DCDC1: variants seen among roughly 807,000 people sequenced by gnomAD.
DCDC1 encodes doublecortin domain containing 1.
DCDC1 carries 200 observed loss-of-function variants against 178.3 expected under a neutral mutation model. That is an observed-to-expected ratio of 1.12 (90% CI 1.00 to 1.26). The LOEUF is 1.26. Among genes scored for constraint, DCDC1 ranks in the 50% most tolerant of loss-of-function variants. DCDC1 has a pLI of 0.00. For missense variants in DCDC1, 1,983 were observed against 1,749.2 expected (o/e 1.13, Z -2.38); for synonymous variants, 690 against 604.8 (o/e 1.14, Z -2.07).
intron 12 of DCDC1, among the ~76,000 whole-genome samples, chr11:31,110,040 T>G (rs938853782): frequency 6.6e-6 from 1 of 152,096 alleles, no homozygotes; most frequent in African/African-American, 2.4e-5. Flanking sequence ...AATATAAGCA[T>G]GAAGAAGGTT....
intron 20 of DCDC1, among the ~76,000 whole-genome samples, chr11:30,960,079 C>T (rs929066373): frequency 1.3e-5 from 2 of 152,118 alleles, no homozygotes; most frequent in Non-Finnish European, 2.9e-5. Context: ...ATCATACTCT[C>T]AGGTAGTATG....
chr11:31,333,594 C>A (rs1256920510), intron 2 of DCDC1, among the ~76,000 whole-genome samples: 1 of 152,168 alleles, frequency 6.6e-6, no homozygotes, highest in Non-Finnish European at 1.5e-5. Context: ...AATCTCTCAG[C>A]ATTTGCTTGT....
intron 20 of DCDC1, among the ~76,000 whole-genome samples, chr11:31,036,708 C>A (rs1954055715): frequency 6.6e-6 from 1 of 152,226 alleles, no homozygotes; most frequent in Non-Finnish European, 1.5e-5. Flanking sequence ...ACAAAATAGT[C>A]CTAACTACAT....
chr11:31,009,732 G>A (rs1190926391), intron 20 of DCDC1, among the ~76,000 whole-genome samples: 2 of 152,102 alleles, frequency 1.3e-5, no homozygotes, highest in Non-Finnish European at 2.9e-5. Context: ...CATTGGGGAG[G>A]TACATTAGTC....
At position 30,973,512 on chromosome 11, in the gene DCDC1, A is replaced by G. The variant is rs184117779; in HGVS notation, c.2592-20944T>C. On this transcript the variant is annotated intron_variant, in intron 20 of 38. Coordinates refer to ENST00000684477, the MANE Select transcript of DCDC1 (RefSeq NM_001387274.1). ...TAATACAGTGGCTTACAAGAAACTC[A>G]CTTTATCTATAAAGACACATATAGT... 7.9e-5 allele frequency among the ~76,000 whole-genome samples: 12 copies of G among 152,278 alleles called. No individual in the cohort carries two copies. The East Asian group carries it at 2.3e-3, about 29-fold the overall frequency.
At chr11:31,207,411 C>A (rs143456969) in intron 9 of DCDC1, among the ~76,000 whole-genome samples, 175 of 152,314 alleles carry the variant, frequency 1.1e-3, no homozygotes, top group African/African-American at 4.1e-3. Context: ...TTCTTCCCAA[C>A]TGGTATTTGT....
intron 9 of DCDC1, among the ~76,000 whole-genome samples, chr11:31,151,696 G>C (rs4369378): frequency 1.3e-5 from 2 of 152,094 alleles, no homozygotes; most frequent in African/African-American, 4.8e-5. Context: ...TGTAAAGTAC[G>C]TGAATGTTAT....
chr11:31,024,120 C>T (rs1337091670), intron 20 of DCDC1, among the ~76,000 whole-genome samples: 1 of 151,746 alleles, frequency 6.6e-6, no homozygotes, highest in African/African-American at 2.4e-5. Context: ...TAGGAAATGA[C>T]CTAAATATCT....
At chr11:31,140,280 G>C (rs769672302) in intron 9 of DCDC1, among the ~76,000 whole-genome samples, 1 of 152,164 alleles carries the variant, frequency 6.6e-6, no homozygotes, top group Non-Finnish European at 1.5e-5. Flanking sequence ...GAAGGGTAGA[G>C]ATTTCAAAAA....
At chr11:31,231,271 AC>A (rs1220776315) in intron 9 of DCDC1, among the ~76,000 whole-genome samples, 2 of 152,106 alleles carry the variant, frequency 1.3e-5, no homozygotes, top group East Asian at 3.9e-4. Context: ...TTTCTCCTCA[AC>A]TTTGTATTTC....
chr11:31,290,654 A>G lies in DCDC1; in HGVS notation c.953T>C (p.Met318Thr), dbSNP rs1372992290. 1.9e-6 allele frequency: 3 copies of G among 1,599,418 alleles called. No homozygotes were observed. Among genetic ancestry groups the G allele is most frequent in the East Asian group, 2.2e-5 (1 of 44,740 alleles). The change falls in exon 7 of 39, where the codon ATG (methionine) becomes ACG (threonine). Residue 318 changes from methionine (M) to threonine (T), a missense_variant. Met to Thr is a moderately conservative substitution (Grantham distance 81). Transcript: ENST00000684477. ...GHEITVGKET[M>T]KKVLDTCTIR... ...TATTTAATTAAAAATTACCTTTTTC[A>G]TTGTTTCTTTTCCCACTGTAATCTC...
intron 2 of DCDC1, among the ~76,000 whole-genome samples, chr11:31,331,404 C>A (rs1444099347): frequency 6.6e-6 from 1 of 152,124 alleles, no homozygotes; most frequent in Non-Finnish European, 1.5e-5. Flanking sequence ...CCTGGCCAGA[C>A]TTTCCAACAC....
At chr11:31,270,924 G>A (rs768095442) in intron 7 of DCDC1, among the ~76,000 whole-genome samples, 8 of 152,118 alleles carry the variant, frequency 5.3e-5, no homozygotes, top group Non-Finnish European at 8.8e-5. Flanking sequence ...GGTGCTGCTG[G>A]ACAAAGTCAC....
chr11:30,943,982 T>A lies in DCDC1; in HGVS notation c.2715+8463A>T, dbSNP rs571316499. On this transcript the variant is annotated intron_variant, in intron 21 of 38. Transcript: ENST00000684477. ...TCATCATTCTATTTTGAAAGTTTCT[T>A]GTCAAGGAACTAACAGGAGAATTGG... The A allele has an allele frequency of 4.1e-4, 100 of 243,294 alleles. 1 individual carries two copies. Among genetic ancestry groups the A allele is most frequent in the African/African-American group, 2.1e-3 (92 of 44,128 alleles). 15.1% of individuals were successfully genotyped at this position (243,294 alleles called of 1,614,324 possible). A position where few individuals can be genotyped will look rare whatever the true frequency, so the allele number is the denominator to read the frequency against.
At chr11:30,903,299 C>A (rs1240471539) in intron 32 of DCDC1, among the ~76,000 whole-genome samples, 183 bp downstream of exon 32, 1 of 152,116 alleles carries the variant, frequency 6.6e-6, no homozygotes, top group Non-Finnish European at 1.5e-5. Flanking sequence ...TAATTTTTAA[C>A]TTTTCTTATA....
intron 9 of DCDC1, among the ~76,000 whole-genome samples, chr11:31,220,932 G>T (rs758314641): frequency 2.0e-5 from 3 of 152,068 alleles, no homozygotes; most frequent in Admixed American, 6.6e-5. Context: ...CAGATCTCTG[G>T]TGCCTCTTCT....
At chr11:31,325,548 T>C (rs978991919) in intron 3 of DCDC1, among the ~76,000 whole-genome samples, 1 of 151,860 alleles carries the variant, frequency 6.6e-6, no homozygotes, top group Admixed American at 6.6e-5. Context: ...TATAAGCAAA[T>C]GCAGCATGGA....
At chr11:30,869,838 G>A (rs1941367992) in intron 38 of DCDC1, among the ~76,000 whole-genome samples, 1 of 152,140 alleles carries the variant, frequency 6.6e-6, no homozygotes, top group Admixed American at 6.5e-5. Flanking sequence ...AGGGGAGCGA[G>A]TTTGTCCTGC....
At chr11:31,016,412 A>C (rs1590768200) in intron 20 of DCDC1, among the ~76,000 whole-genome samples, 1 of 152,212 alleles carries the variant, frequency 6.6e-6, no homozygotes, top group Non-Finnish European at 1.5e-5. Flanking sequence ...ATGTCACTGA[A>C]GTTTAATGTA....
Sources: gnomAD v4.1 joint callset for allele counts (sites outside exome capture counted in the v4.1 genomes callset) on GRCh38, gnomAD v4.1.1 for gene constraint, MANE v1.5 for transcripts, NCBI Gene and HGNC (gene_info 2026-07-23, HGNC 2026-07-21) for gene names.